Variants in CCDC91 observed in about 807,000 individuals in gnomAD.
The protein encoded by CCDC91 is coiled-coil domain containing 91.
CCDC91 carries 48 observed loss-of-function variants against 63.2 expected under a neutral mutation model. That is an observed-to-expected ratio of 0.76 (90% CI 0.60 to 0.97). The LOEUF is 0.97. Among genes scored for constraint, CCDC91 ranks in the 50% least tolerant of loss-of-function variants. CCDC91 has a pLI of 0.00. For synonymous variants in CCDC91, 167 were observed against 165.8 expected, an observed-to-expected ratio of 1.01 and a Z score of -0.06; for missense variants, 500 against 494.6, an observed-to-expected ratio of 1.01 and a Z score of -0.10.
chr12:28,297,813 A>T (rs1270462608), intron 3 of CCDC91, among the ~76,000 whole-genome samples: 1 of 151,836 alleles, frequency 6.6e-6, no homozygotes, highest in Non-Finnish European at 1.5e-5. Flanking sequence ...AAGTGAGAAG[A>T]TATTTATATT....
At chr12:28,544,533 T>A (rs2141849674) in intron 12 of CCDC91, among the ~76,000 whole-genome samples, 1 of 152,224 alleles carries the variant, frequency 6.6e-6, no homozygotes, top group East Asian at 1.9e-4. Context: ...AGATGTAACA[T>A]GTTCACATTT....
At chr12:28,535,423 TAAAAC>T (rs1740830417) in intron 12 of CCDC91, among the ~76,000 whole-genome samples, 1 of 152,196 alleles carries the variant, frequency 6.6e-6, no homozygotes, top group African/African-American at 2.4e-5. Context: ...TTATTTATGT[TAAAAC>T]AGAAGAAGAC....
intron 3 of CCDC91, among the ~76,000 whole-genome samples, chr12:28,296,214 A>T (rs1949555378): frequency 6.6e-6 from 1 of 151,618 alleles, no homozygotes; most frequent in Admixed American, 6.6e-5. Flanking sequence ...ATATTATATA[A>T]TTTTATGTTG....
chr12:28,508,722 A>G (rs11049681), intron 12 of CCDC91, among the ~76,000 whole-genome samples: 31,695 of 151,782 alleles, frequency 0.21, 4,337 homozygotes, highest in Non-Finnish European at 0.31. Context: ...TCCCCCTCCA[A>G]GAGTCAGTAC....
intron 12 of CCDC91, among the ~76,000 whole-genome samples, chr12:28,537,812 C>G (rs1942296189): frequency 6.6e-6 from 1 of 152,186 alleles, no homozygotes; most frequent in South Asian, 2.1e-4. Context: ...GAACAAGTGT[C>G]TGTCCCACTT....
chr12:28,374,160 C>A (rs1020757942), intron 7 of CCDC91, among the ~76,000 whole-genome samples: 1 of 152,104 alleles, frequency 6.6e-6, no homozygotes. Flanking sequence ...AGTTCCACCC[C>A]CCTTTCCTTG....
At chr12:28,197,109 CA>C (rs1219231300) in intron 1 of CCDC91, among the ~76,000 whole-genome samples, 3 of 151,958 alleles carry the variant, frequency 2.0e-5, no homozygotes, top group East Asian at 1.9e-4. Context: ...AAAGTATATA[CA>C]TTTTTTTTTC....
intron 7 of CCDC91, among the ~76,000 whole-genome samples, chr12:28,376,159 G>C (rs1434173607): frequency 6.6e-6 from 1 of 151,716 alleles, no homozygotes; most frequent in Non-Finnish European, 1.5e-5. Context: ...TACCCCATGG[G>C]AATTATTAAC....
At chr12:28,305,957 A>T in intron 4 of CCDC91, 151 bp downstream of exon 4, 1 of 655,246 alleles carries the variant, frequency 1.5e-6, no homozygotes, top group East Asian at 2.9e-5. Flanking sequence ...AATACTTAGA[A>T]TTCAAAAAAA....
At chr12:28,437,476 C>T (rs1360469457) in intron 8 of CCDC91, among the ~76,000 whole-genome samples, 13 of 151,934 alleles carry the variant, frequency 8.6e-5, no homozygotes, top group Non-Finnish European at 1.6e-4. Flanking sequence ...AATAACCTTT[C>T]GTGATATAAG....
intron 12 of CCDC91, among the ~76,000 whole-genome samples, chr12:28,515,656 G>T (rs1309853971): frequency 6.6e-6 from 1 of 151,850 alleles, no homozygotes; most frequent in East Asian, 1.9e-4. Flanking sequence ...ATTTAGTAAT[G>T]CTGATTATCA....
At chr12:28,326,414 T>C (rs1437099846) in intron 6 of CCDC91, among the ~76,000 whole-genome samples, 1 of 151,342 alleles carries the variant, frequency 6.6e-6, no homozygotes, top group Non-Finnish European at 1.5e-5. Flanking sequence ...TTTATTATTA[T>C]TATACTTTAA....
At position 28,484,173 on chromosome 12, in the gene CCDC91, T is replaced by A. The variant is rs758495285; in HGVS notation, c.1215+8T>A. On this transcript the variant is annotated splice_region_variant and intron_variant, in intron 12 of 12. Coordinates refer to ENST00000536442, the MANE Select transcript of CCDC91 (RefSeq NM_018318.5). ...ATAAAAGAACAGAAAAGGGTAAGTA[T>A]CTCCTGAAGAGTTTTAATTTGTGCT... 6.6e-7 allele frequency: 1 copy of A among 1,520,144 alleles called. No homozygotes were observed. The highest frequency in any genetic ancestry group is 9.0e-7 in the Non-Finnish European group (1 of 1,106,912). The allele number at this position is 1,520,144 out of a possible 1,614,324, so 94.2% of individuals were successfully genotyped here.
At position 28,330,505 on chromosome 12, in the gene CCDC91, G is replaced by A. The variant is rs1258300128; in HGVS notation, c.576+22756G>A. Among the ~76,000 whole-genome samples the A allele has an allele frequency of 6.0e-5, 9 of 150,428 alleles. No homozygotes were observed. The East Asian group carries it at 7.8e-4, about 13-fold the overall frequency. On this transcript the variant is annotated intron_variant, in intron 6 of 12. Coordinates refer to ENST00000536442, the MANE Select transcript of CCDC91 (RefSeq NM_018318.5). The stretch of plus-strand genomic sequence containing the variant: ...TTTGTTTGAGTTCTTTGTAGATTCT[G>A]CATATTAGCTGTTTGTCAGATGGGT...
chr12:28,523,011 G>A (rs983443909), intron 12 of CCDC91, among the ~76,000 whole-genome samples: 14 of 152,284 alleles, frequency 9.2e-5, no homozygotes, highest in African/African-American at 3.1e-4. Flanking sequence ...GTCAGTTTTT[G>A]AATAAGTGTG....
chr12:28,466,870 T>TA (rs2140549834), intron 11 of CCDC91, among the ~76,000 whole-genome samples: 1 of 152,142 alleles, frequency 6.6e-6, no homozygotes, highest in African/African-American at 2.4e-5. Flanking sequence ...GGAGAAAGAA[T>TA]AAACAATGAA....
At chr12:28,432,958 G>A (rs1018483904) in intron 8 of CCDC91, among the ~76,000 whole-genome samples, 3 of 152,118 alleles carry the variant, frequency 2.0e-5, no homozygotes, top group Admixed American at 2.0e-4. Flanking sequence ...ACATTTCCCT[G>A]ATATGGGAAA....
chr12:28,218,188 C>T (rs553850743), intron 1 of CCDC91, among the ~76,000 whole-genome samples: 1 of 152,130 alleles, frequency 6.6e-6, no homozygotes, highest in East Asian at 1.9e-4. Flanking sequence ...ATTTTGGTAG[C>T]TACTGTAGTT....
intron 12 of CCDC91, among the ~76,000 whole-genome samples, chr12:28,497,497 A>T (rs1196615058): frequency 1.3e-5 from 2 of 151,574 alleles, no homozygotes; most frequent in Non-Finnish European, 3.0e-5. Context: ...TCGGGACATT[A>T]TACTACTAAA....
Sources: allele counts gnomAD v4.1 joint callset (sites outside exome capture counted in the v4.1 genomes callset), GRCh38; gene constraint gnomAD v4.1.1; transcripts MANE v1.5; gene names NCBI Gene and HGNC (gene_info 2026-07-23, HGNC 2026-07-21).